The following OR2C1 variants were observed in gnomAD, a reference collection of about 807,000 sequenced individuals.
OR2C1 encodes the protein olfactory receptor 2C1.
For missense variants in OR2C1, 468 were observed against 388.3 expected (o/e 1.21, Z -1.73); for synonymous variants, 209 against 167.3 (o/e 1.25, Z -1.92).
upstream of OR2C1, among the ~76,000 whole-genome samples, chr16:3,352,773 C>G (rs1028352184): frequency 5.7e-5 from 8 of 140,228 alleles, no homozygotes; most frequent in Non-Finnish European, 1.5e-5. Context: ...TAGAGTTTCA[C>G]TCTTGTTGCC....
the OR2C1 span, among the ~76,000 whole-genome samples, chr16:3,348,693 C>T: frequency 6.6e-6 from 1 of 152,206 alleles, no homozygotes; most frequent in African/African-American, 2.4e-5. Context: ...TACTCTCCAC[C>T]CTTAGAGTGT....
chr16:3,338,259 C>G, the OR2C1 span, among the ~76,000 whole-genome samples: 1 of 152,206 alleles, frequency 6.6e-6, no homozygotes, highest in East Asian at 1.9e-4. Flanking sequence ...CCCTCTTTGA[C>G]TCTGACATTT....
At chr16:3,347,425 G>A in the OR2C1 span, among the ~76,000 whole-genome samples, 1 of 151,510 alleles carries the variant, frequency 6.6e-6, no homozygotes, top group Non-Finnish European at 1.5e-5. Context: ...AATTATCAAG[G>A]TAATGCAGGT....
At chr16:3,323,319 G>A in the OR2C1 span, 285 of 1,076,048 alleles carry the variant, frequency 2.6e-4, 2 homozygotes, top group African/African-American at 4.1e-3. Flanking sequence ...AAAGAACCAT[G>A]AGATCTCCTG....
At chr16:3,341,286 A>G in the OR2C1 span, among the ~76,000 whole-genome samples, 6 of 152,130 alleles carry the variant, frequency 3.9e-5, no homozygotes, top group South Asian at 1.0e-3. Context: ...TAATTTTTCT[A>G]TGTTGCTCTT....
chr16:3,351,535 G>T (rs1276071405), upstream of OR2C1, among the ~76,000 whole-genome samples: 1 of 152,140 alleles, frequency 6.6e-6, no homozygotes, highest in Non-Finnish European at 1.5e-5. Context: ...TTCCTCCTAA[G>T]CAAGTCTCCC....
the OR2C1 span, chr16:3,323,609 G>A: frequency 1.3e-6 from 1 of 740,840 alleles, no homozygotes; most frequent in Non-Finnish European, 2.5e-6. Context: ...TCTTGCAATG[G>A]CTGTCTGCAC....
At position 3,357,159 on chromosome 16, in the gene OR2C1, G is replaced by T; in HGVS notation, c.*280G>T. ...TGACCTGTGACAGACCTGTCTCACT[G>T]TCTCTGTCTCTGTTGCCCACATGTT... On this transcript the variant is annotated 3_prime_UTR_variant, in exon 1 of 1. Coordinates refer to ENST00000304936, the MANE Select transcript of OR2C1 (RefSeq NM_012368.3). 2.8e-6 allele frequency: 1 copy of T among 358,402 alleles called. No homozygotes were observed. The highest frequency in any genetic ancestry group is 5.2e-5 in the East Asian group (1 of 19,110). 22.2% of individuals were successfully genotyped at this position (358,402 alleles called of 1,614,324 possible). A position where few individuals can be genotyped will look rare whatever the true frequency, so the allele number is the denominator to read the frequency against.
At chr16:3,349,423 G>A in the OR2C1 span, among the ~76,000 whole-genome samples, 1 of 152,246 alleles carries the variant, frequency 6.6e-6, no homozygotes, top group South Asian at 2.1e-4. Flanking sequence ...CTGCGACCCA[G>A]TGCTACTCCA....
At chr16:3,355,571 C>G (rs2030652071), upstream of OR2C1, among the ~76,000 whole-genome samples, 3 of 151,798 alleles carry the variant, frequency 2.0e-5, no homozygotes, top group African/African-American at 7.3e-5. Context: ...CACTTGAGCC[C>G]AAGAGTTGGA....
At chr16:3,347,281 G>T in the OR2C1 span, among the ~76,000 whole-genome samples, 1 of 147,908 alleles carries the variant, frequency 6.8e-6, no homozygotes, top group Non-Finnish European at 1.5e-5. Flanking sequence ...GCCAAGGATG[G>T]TGGCTCAGGA....
the OR2C1 span, chr16:3,323,430 G>A: frequency 7.9e-6 from 6 of 756,818 alleles, no homozygotes; most frequent in Admixed American, 1.0e-4. Flanking sequence ...TCTGTCAGAG[G>A]GATGGTGTTC....
At chr16:3,325,930 C>CTTTTT in the OR2C1 span, among the ~76,000 whole-genome samples, 1 of 127,982 alleles carries the variant, frequency 7.8e-6, no homozygotes, top group Non-Finnish European at 1.7e-5. Context: ...CAAGTGCATT[C>CTTTTT]TTTTTTTTTT....
At chr16:3,346,760 G>C in the OR2C1 span, among the ~76,000 whole-genome samples, 10 of 150,776 alleles carry the variant, frequency 6.6e-5, no homozygotes, top group African/African-American at 2.4e-4. Flanking sequence ...CTCCTGAGCA[G>C]CTGGGACTAC....
the OR2C1 span, among the ~76,000 whole-genome samples, chr16:3,334,003 C>A: frequency 6.6e-6 from 1 of 152,000 alleles, no homozygotes; most frequent in Non-Finnish European, 1.5e-5. Context: ...GACAGGGTCT[C>A]ACTCTGTCAC....
chr16:3,345,270 GTCAAC>G, the OR2C1 span, among the ~76,000 whole-genome samples: 1 of 152,122 alleles, frequency 6.6e-6, no homozygotes, highest in Admixed American at 6.5e-5. Context: ...AGATCACGAG[GTCAAC>G]AGTTCGAGAC....
the OR2C1 span, among the ~76,000 whole-genome samples, chr16:3,333,570 C>A: frequency 6.6e-6 from 1 of 152,032 alleles, no homozygotes; most frequent in Admixed American, 6.6e-5. Flanking sequence ...CTCCTGACCT[C>A]GTGATCCGCC....
At chr16:3,357,748 G>A (rs1455582468), downstream of OR2C1, among the ~76,000 whole-genome samples, 3 of 152,080 alleles carry the variant, frequency 2.0e-5, no homozygotes, top group Admixed American at 6.6e-5. Context: ...TTGGGAGGCC[G>A]AGGCGGGTGG....
the OR2C1 span, chr16:3,323,553 G>A: frequency 1.1e-5 from 8 of 753,774 alleles, no homozygotes; most frequent in African/African-American, 1.7e-5. Flanking sequence ...AGGTTCTGGG[G>A]GGTGACTTTT....
Sources: allele counts gnomAD v4.1 joint callset (sites outside exome capture counted in the v4.1 genomes callset), GRCh38; gene constraint gnomAD v4.1.1; transcripts MANE v1.5; gene names NCBI Gene and HGNC (gene_info 2026-07-23, HGNC 2026-07-21).